ZNF571: variants seen among roughly 807,000 people sequenced by gnomAD.
ZNF571 encodes the protein zinc finger protein 571.
Under a neutral mutation model 7.7 loss-of-function variants are expected in ZNF571, and 4 were observed. The observed-to-expected ratio is 0.52, with a 90% CI of 0.25 to 1.18. ZNF571 has a LOEUF of 1.18. Among genes scored for constraint, ZNF571 ranks in the 50% most tolerant of loss-of-function variants. The pLI is 0.14. For missense variants in ZNF571, 704 were observed against 726.9 expected, an observed-to-expected ratio of 0.97 and a Z score of 0.36; for synonymous variants, 251 against 232.4, an observed-to-expected ratio of 1.08 and a Z score of -0.73.
intron 3 of ZNF571, among the ~76,000 whole-genome samples, chr19:37,572,747 A>G (rs1168999386): frequency 4.6e-5 from 7 of 152,222 alleles, no homozygotes; most frequent in Admixed American, 4.6e-4. Context: ...AATTGGTGCA[A>G]CTTCAAATAA....
At chr19:37,590,593 G>C (rs1482597321) in intron 1 of ZNF571, among the ~76,000 whole-genome samples, 1 of 152,040 alleles carries the variant, frequency 6.6e-6, no homozygotes, top group Non-Finnish European at 1.5e-5. Flanking sequence ...TATAGATAAA[G>C]GAAAATGATG....
In ZNF571 at chr19:37,568,317, AC is replaced by A. The variant is rs5827983; in HGVS notation, c.137-2027del. Reference sequence around the variant, plus strand: ...AGAAATGATAAAAACAAAAGCAACTACCCCCCCCCACTTGCCATATACACAC... The same window carrying A: ...AGAAATGATAAAAACAAAAGCAACTACCCCCCCCACTTGCCATATACACAC... On this transcript the variant is annotated intron_variant, in intron 3 of 3. Coordinates refer to ENST00000451802, the MANE Select transcript of ZNF571 (RefSeq NM_016536.5). 7.3e-4 allele frequency among the ~76,000 whole-genome samples: 104 copies of A among 142,340 alleles called. 1 individual carries two copies. Among genetic ancestry groups the A allele is most frequent in the Middle Eastern group, 3.5e-3 (1 of 282 alleles). 93.4% of individuals were successfully genotyped at this position (142,340 alleles called of 152,430 possible).
intron 2 of ZNF571, chr19:37,585,403 G>A (rs2043635737): frequency 6.6e-6 from 1 of 152,222 alleles, no homozygotes; most frequent in South Asian, 2.1e-4. Flanking sequence ...ATTAAAATAT[G>A]CAGACTAACA....
chr19:37,581,490 T>C (rs1431741363), intron 3 of ZNF571, among the ~76,000 whole-genome samples: 1 of 148,458 alleles, frequency 6.7e-6, no homozygotes, highest in East Asian at 2.0e-4. Context: ...TTTGGAGACA[T>C]GGTCTTGCTC....
At chr19:37,573,292 G>A (rs1016196075) in intron 3 of ZNF571, among the ~76,000 whole-genome samples, 5 of 151,910 alleles carry the variant, frequency 3.3e-5, no homozygotes, top group African/African-American at 1.2e-4. Context: ...TATTATTAAC[G>A]GCATGATTGT....
chr19:37,593,538 CT>C (rs1445558161), intron 1 of ZNF571, among the ~76,000 whole-genome samples: 5 of 152,086 alleles, frequency 3.3e-5, no homozygotes, highest in Non-Finnish European at 5.9e-5. Context: ...CTCGTCTCTA[CT>C]AAAAACACAA....
At chr19:37,586,573 G>T in intron 2 of ZNF571, 95 bp downstream of exon 2, 1 of 1,480,522 alleles carries the variant, frequency 6.8e-7, no homozygotes, top group South Asian at 1.2e-5. Flanking sequence ...TTCCCTTAAG[G>T]AACCAAACAA....
At chr19:37,587,279 G>C (rs2043707575) in intron 1 of ZNF571, 1 of 152,234 alleles carries the variant, frequency 6.6e-6, no homozygotes, top group South Asian at 2.1e-4. Context: ...TATGGCTGGA[G>C]TATTCTCCCA....
rs995177078 is a variant in ZNF571 at position 37,588,670 on chromosome 19, A to G, written c.-69-1925T>C. Among the ~76,000 whole-genome samples, 5 of 152,360 alleles carry G rather than the reference A, an allele frequency of 3.3e-5. No homozygotes were observed. The East Asian group carries it at 9.6e-4, about 29-fold the overall frequency. ...ACCTCGGCATCACACAATATGCCAT[A>G]TAACAAACCTGAACATGTACCCCCT... On this transcript the variant is annotated intron_variant, in intron 1 of 3. Coordinates refer to ENST00000451802, the MANE Select transcript of ZNF571 (RefSeq NM_016536.5).
chr19:37,566,475 A>C, intron 3 of ZNF571, 184 bp from the exon 4 acceptor site: 2 of 640,946 alleles, frequency 3.1e-6, no homozygotes, highest in Non-Finnish European at 4.9e-6. Flanking sequence ...GAGAGCTTAT[A>C]GGAAAGAAGG....
At chr19:37,590,407 G>T (rs570971998) in intron 1 of ZNF571, among the ~76,000 whole-genome samples, 1 of 150,226 alleles carries the variant, frequency 6.7e-6, no homozygotes, top group Admixed American at 6.7e-5. Context: ...ACAGAGTGAG[G>T]CTCCGTTTCA....
At chr19:37,590,742 T>G (rs993367319) in intron 1 of ZNF571, among the ~76,000 whole-genome samples, 2 of 152,126 alleles carry the variant, frequency 1.3e-5, no homozygotes, top group African/African-American at 4.8e-5. Flanking sequence ...TCTCTGTAAG[T>G]GTAATATTAT....
At position 37,566,044 on chromosome 19, in the gene ZNF571, A is replaced by T. The variant is rs771224054; in HGVS notation, c.384T>A (p.Phe128Leu). The T allele has an allele frequency of 1.9e-6, 3 of 1,614,124 alleles. No homozygotes were observed. The highest frequency in any genetic ancestry group is 1.7e-6 in the Non-Finnish European group (2 of 1,179,968). ...ATESHSTSST[F>L]HRIIPTKEKL... is the part of the protein sequence containing the mutation. ...TTTCCTTGGTAGGAATTATCCGATG[A>T]AAAGTAGAAGAGGTTGAATGACTTT... The change falls in exon 4 of 4, where the codon TTT becomes TTA. Residue 128 changes from phenylalanine to leucine, a missense_variant. Physicochemically the swap from Phe to Leu is conservative, Grantham distance 22. Transcript: ENST00000451802.
chr19:37,568,509 T>C (rs1004269622), intron 3 of ZNF571, among the ~76,000 whole-genome samples: 3 of 152,136 alleles, frequency 2.0e-5, no homozygotes, highest in African/African-American at 7.2e-5. Flanking sequence ...ATAAATTCAG[T>C]TGGGACCCAA....
chr19:37,571,876 G>C (rs879288917), intron 3 of ZNF571, among the ~76,000 whole-genome samples: 4 of 152,178 alleles, frequency 2.6e-5, no homozygotes, highest in Non-Finnish European at 5.9e-5. Flanking sequence ...AGTTCAGAAA[G>C]CTATATTGTT....
At chr19:37,593,634 C>T (rs1238794293) in intron 1 of ZNF571, among the ~76,000 whole-genome samples, 3 of 152,088 alleles carry the variant, frequency 2.0e-5, no homozygotes, top group Admixed American at 6.5e-5. Flanking sequence ...ACCCGGAAGG[C>T]GGAGCTTGCA....
Position 37,586,711 on chromosome 19 carries a change from C to A in ZNF571, c.-35G>T. ...GAACTGATCAATTTTCTGGGTTCTTCTCCTGGAGGTGTGCAAAGTCCAGAG... is the reference window on the plus strand; with the variant it reads ...GAACTGATCAATTTTCTGGGTTCTTATCCTGGAGGTGTGCAAAGTCCAGAG... On this transcript the variant is annotated 5_prime_UTR_variant, in exon 2 of 4. Transcript: ENST00000451802. The A allele has an allele frequency of 6.2e-7, 1 of 1,613,796 alleles. No homozygotes were observed.
At chr19:37,588,975 G>T (rs1185865731) in intron 1 of ZNF571, among the ~76,000 whole-genome samples, 3 of 152,056 alleles carry the variant, frequency 2.0e-5, no homozygotes, top group Non-Finnish European at 4.4e-5. Flanking sequence ...TGAGGCAGGT[G>T]GATCACCTGA....
At position 37,565,318 on chromosome 19, in the gene ZNF571, CT is replaced by C; in HGVS notation, c.1109del (p.Lys370ArgfsTer13). On this transcript the variant is annotated frameshift_variant, in exon 4 of 4. Transcript: ENST00000451802. LOFTEE classifies it low-confidence loss of function (END_TRUNC). ...TAAGTTGTGAGCCACGAAAAAAGGT[CT>C]TCCCGCATTCTTTACATTCATAGGG... ...EKPYECKECG[K>X]TFFRGSQLTY... 6.2e-7 allele frequency: 1 copy of C among 1,611,998 alleles called. No individual in the cohort carries two copies. Among genetic ancestry groups the C allele is most frequent in the Non-Finnish European group, 8.5e-7 (1 of 1,179,054 alleles).
Sources: gnomAD v4.1 joint callset for allele counts (sites outside exome capture counted in the v4.1 genomes callset) on GRCh38, gnomAD v4.1.1 for gene constraint, MANE v1.5 for transcripts, NCBI Gene and HGNC (gene_info 2026-07-23, HGNC 2026-07-21) for gene names.